Variants in RPTOR observed in about 807,000 individuals in gnomAD.
RPTOR encodes the protein regulatory associated protein of MTOR complex 1, also known as regulatory-associated protein of mTOR.
Under a neutral mutation model 169.9 loss-of-function variants are expected in RPTOR, and 21 were observed. That is an observed-to-expected ratio of 0.12 (90% confidence interval 0.09 to 0.18). The LOEUF is 0.18. Among genes scored for constraint, RPTOR ranks in the 10% least tolerant of loss-of-function variants. The pLI is 1.00. For synonymous variants in RPTOR, 732 were observed against 753.2 expected (o/e 0.97, Z 0.46); for missense variants, 1,133 against 1,855.9 (o/e 0.61, Z 7.16).
At chr17:80,854,567 C>G (rs1400897449) in intron 11 of RPTOR, among the ~76,000 whole-genome samples, 1 of 152,158 alleles carries the variant, frequency 6.6e-6, no homozygotes. Context: ...GCCGATGTAC[C>G]CATTAGGATA....
intron 20 of RPTOR, among the ~76,000 whole-genome samples, chr17:80,894,952 G>A (rs946826019): frequency 3.3e-5 from 5 of 152,234 alleles, no homozygotes; most frequent in African/African-American, 9.6e-5. Context: ...TGCGTGGCCC[G>A]CAAAGCCCGT....
chr17:80,743,201 AGCCAAG>A, intron 5 of RPTOR: 5 of 981,848 alleles, frequency 5.1e-6, no homozygotes, highest in Non-Finnish European at 6.0e-6. Context: ...TCCTGAAATT[AGCCAAG>A]GCTCTCTCTC....
At chr17:80,671,961 G>A (rs1176200594) in intron 3 of RPTOR, among the ~76,000 whole-genome samples, 1 of 152,190 alleles carries the variant, frequency 6.6e-6, no homozygotes, top group Non-Finnish European at 1.5e-5. Context: ...TCCCTGGCTA[G>A]GTGCCAGTAG....
intron 2 of RPTOR, among the ~76,000 whole-genome samples, chr17:80,638,136 T>C (rs2065522606): frequency 6.6e-6 from 1 of 152,208 alleles, no homozygotes; most frequent in Non-Finnish European, 1.5e-5. Context: ...TTGAACGGCC[T>C]GGAAGGCCAG....
At chr17:80,698,246 G>A (rs1482966447) in intron 3 of RPTOR, among the ~76,000 whole-genome samples, 3 of 152,322 alleles carry the variant, frequency 2.0e-5, no homozygotes, top group Admixed American at 6.5e-5. Context: ...GGGGAGCCAC[G>A]TGAGGCCAGT....
At chr17:80,549,959 G>A (rs1260320036) in intron 1 of RPTOR, among the ~76,000 whole-genome samples, 2 of 152,190 alleles carry the variant, frequency 1.3e-5, no homozygotes, top group Non-Finnish European at 2.9e-5. Context: ...AGGCTATTTT[G>A]TAAACCATTC....
In RPTOR at chr17:80,857,913, G is replaced by T. The variant is rs558660800; in HGVS notation, c.1509+13G>T. The T allele has an allele frequency of 2.5e-6, 4 of 1,596,616 alleles. No individual in the cohort carries two copies. The highest frequency in any genetic ancestry group is 1.3e-5 in the African/African-American group (1 of 74,544). The stretch of plus-strand genomic sequence containing the variant: ...CGCAGTGGACAGCGTGAGTATCCCC[G>T]CCCTCCTCCCCAGAGTGATGTGAAC... On this transcript the variant is annotated intron_variant, in intron 13 of 33. Coordinates refer to ENST00000306801, the MANE Select transcript of RPTOR (RefSeq NM_020761.3).
intron 21 of RPTOR, 29 bp downstream of exon 21, chr17:80,908,958 C>A: frequency 1.3e-6 from 2 of 1,498,462 alleles, no homozygotes; most frequent in South Asian, 1.1e-5. Context: ...CCACCGCGCT[C>A]CAGCTGCTGG....
intron 13 of RPTOR, among the ~76,000 whole-genome samples, chr17:80,858,994 C>T (rs1273193477): frequency 6.6e-6 from 1 of 152,120 alleles, no homozygotes; most frequent in Non-Finnish European, 1.5e-5. Context: ...GGGTGGAGAG[C>T]ATTTTCCTCC....
At chr17:80,614,306 A>T (rs1208551362) in intron 1 of RPTOR, among the ~76,000 whole-genome samples, 1 of 152,196 alleles carries the variant, frequency 6.6e-6, no homozygotes, top group African/African-American at 2.4e-5. Context: ...ACCTTGTCTC[A>T]TGCTTGAAAT....
chr17:80,890,871 G>A (rs1290161378), intron 17 of RPTOR, among the ~76,000 whole-genome samples: 1 of 152,076 alleles, frequency 6.6e-6, no homozygotes, highest in Admixed American at 6.5e-5. Flanking sequence ...TCCCTGGTGG[G>A]CGCCCATCCA....
In RPTOR at chr17:80,643,738, G is replaced by A. The variant is rs2065571280; in HGVS notation, c.276G>A (p.Ser92=). The A allele has an allele frequency of 3.7e-6, 6 of 1,613,100 alleles. No homozygotes were observed. The highest frequency in any genetic ancestry group is 5.1e-6 in the Non-Finnish European group (6 of 1,179,536). ...ARLECWIDPL[S]MGPQKALETI... ...CCATTGCTTCCTCAGATCCTCTGTCGATGGGTCCTCAGAAAGCTCTGGAAA... is the reference window on the plus strand; with the variant it reads ...CCATTGCTTCCTCAGATCCTCTGTCAATGGGTCCTCAGAAAGCTCTGGAAA... The change falls in exon 3 of 34, where the codon TCG becomes TCA. Residue 92 remains serine (S), a synonymous_variant. Transcript: ENST00000306801.
At chr17:80,867,773 A>G (rs2068009823) in intron 13 of RPTOR, among the ~76,000 whole-genome samples, 1 of 151,068 alleles carries the variant, frequency 6.6e-6, no homozygotes, top group Admixed American at 6.6e-5. Context: ...CAATACCACT[A>G]AAAAAAAAGA....
At chr17:80,843,037 C>T in intron 10 of RPTOR, among the ~76,000 whole-genome samples, 1 of 152,192 alleles carries the variant, frequency 6.6e-6, no homozygotes, top group East Asian at 1.9e-4. Context: ...GACTAAGTCC[C>T]ACAACTTCGT....
chr17:80,919,754 G>C (rs573744578), intron 21 of RPTOR, among the ~76,000 whole-genome samples: 7 of 152,238 alleles, frequency 4.6e-5, no homozygotes, highest in Non-Finnish European at 7.3e-5. Context: ...TAGCAAAGTC[G>C]TATCTGCCAC....
chr17:80,754,310 C>A lies in RPTOR; in HGVS notation c.830+125C>A. On this transcript the variant is annotated intron_variant, in intron 6 of 33. Coordinates refer to ENST00000306801, the MANE Select transcript of RPTOR (RefSeq NM_020761.3). The surrounding 1 kb of genome is among the most constrained non-coding windows in gnomAD (Gnocchi z 4.2). The stretch of plus-strand genomic sequence containing the variant: ...CCCACGTGACAGACATGAGTGTCCC[C>A]GCCTTCTTTTTGTGTCATTCGGGAT... 2 of 945,100 alleles carry A rather than the reference C, an allele frequency of 2.1e-6. No homozygotes were observed. The highest frequency in any genetic ancestry group is 3.1e-6 in the Non-Finnish European group (2 of 636,254). 58.5% of individuals were successfully genotyped at this position (945,100 alleles called of 1,614,324 possible). A position where few individuals can be genotyped will look rare whatever the true frequency, so the allele number is the denominator to read the frequency against.
In RPTOR at chr17:80,717,329, G is replaced by A. The variant is rs143451141; in HGVS notation, c.507+9330G>A. On this transcript the variant is annotated intron_variant, in intron 4 of 33. Coordinates refer to ENST00000306801, the MANE Select transcript of RPTOR (RefSeq NM_020761.3). ...TAACAAGGTCTTTGTTCTATGAACC[G>A]CTTTATCATGGGTACCTAAAACCAA... Among the ~76,000 whole-genome samples, 17 of 152,184 alleles carry A rather than the reference G, an allele frequency of 1.1e-4. No individual in the cohort carries two copies. The East Asian group carries it at 2.7e-3, about 24-fold the overall frequency.
In RPTOR at chr17:80,947,198, CTTT is replaced by C. The variant is rs754645508; in HGVS notation, c.3141-25_3141-23del. On this transcript the variant is annotated intron_variant, in intron 26 of 33. Transcript: ENST00000306801. This position sits in a 1 kb window ranked among gnomAD's most constrained non-coding sequence, Gnocchi z 4.4. ...ATTTGGGTTTGCAGTTTCCTAATGA[CTTT>C]TTTATTCCTCTCTTCTTCCCTTAAG... The C allele has an allele frequency of 6.4e-5, 99 of 1,544,680 alleles. No homozygotes were observed. The highest frequency in any genetic ancestry group is 7.8e-5 in the Non-Finnish European group (90 of 1,150,800).
At chr17:80,945,535 T>C (rs1345488373) in intron 25 of RPTOR, 132 bp from the exon 26 acceptor site, 34 of 315,784 alleles carry the variant, frequency 1.1e-4, no homozygotes, top group Admixed American at 3.4e-4. Context: ...GAGCTTGCAG[T>C]GAGCCAAGAT....
Sources: allele counts gnomAD v4.1 joint callset (sites outside exome capture counted in the v4.1 genomes callset), GRCh38; gene constraint gnomAD v4.1.1; non-coding constraint Gnocchi (gnomAD v3.1); transcripts MANE v1.5; gene names NCBI Gene and HGNC (gene_info 2026-07-23, HGNC 2026-07-21).